ZDHHC17: variants seen among roughly 807,000 people sequenced by gnomAD.
The protein encoded by ZDHHC17 is palmitoyltransferase ZDHHC17.
In ZDHHC17, 40 loss-of-function variants were observed where a neutral mutation model predicts 90.3. That is an observed-to-expected ratio of 0.44 (90% CI 0.34 to 0.58). The LOEUF is 0.58. Among genes scored for constraint, ZDHHC17 ranks in the 20% least tolerant of loss-of-function variants. The probability of loss-of-function intolerance (pLI) is 0.01; values close to 1 mark genes in which losing one functional copy is unlikely to be tolerated. For missense variants in ZDHHC17, 614 were observed against 780.8 expected (o/e 0.79, Z 2.55); for synonymous variants, 235 against 252.4 (o/e 0.93, Z 0.65).
chr12:76,846,731 A>G (rs1953499650), intron 14 of ZDHHC17, 52 bp downstream of exon 14: 1 of 1,419,948 alleles, frequency 7.0e-7, no homozygotes, highest in Non-Finnish European at 9.7e-7. Flanking sequence ...GCATACTTAG[A>G]TTATACTTAC....
Position 76,853,434 on chromosome 12 carries a change from A to C in ZDHHC17, c.*2449A>C, listed in dbSNP as rs1187262086. 5.3e-5 allele frequency: 5 copies of C among 93,904 alleles called. No homozygotes were observed. Among genetic ancestry groups the C allele is most frequent in the Non-Finnish European group, 9.4e-5 (4 of 42,380 alleles). 5.8% of individuals were successfully genotyped at this position (93,904 alleles called of 1,614,324 possible). A position where few individuals can be genotyped will look rare whatever the true frequency, so the allele number is the denominator to read the frequency against. ...CACTGAACATGAATTACTTCCTTGGAGTTTTTTTTCATTCATATTTTTGTT... is the reference window on the plus strand; with the variant it reads ...CACTGAACATGAATTACTTCCTTGGCGTTTTTTTTCATTCATATTTTTGTT... On this transcript the variant is annotated 3_prime_UTR_variant, in exon 17 of 17. Transcript: ENST00000426126.
chr12:76,852,794 G>A lies in ZDHHC17; in HGVS notation c.*1809G>A, dbSNP rs933688877. 1 of 152,598 alleles carries A rather than the reference G, an allele frequency of 6.6e-6. No individual in the cohort carries two copies. The highest frequency in any genetic ancestry group is 1.5e-5 in the Non-Finnish European group (1 of 68,036). 9.5% of individuals were successfully genotyped at this position (152,598 alleles called of 1,614,324 possible). A position where few individuals can be genotyped will look rare whatever the true frequency, so the allele number is the denominator to read the frequency against. The stretch of plus-strand genomic sequence containing the variant: ...GTACTTTATTTTTGAAAAGGGAAGA[G>A]ATGGGTGTGGGGTGGCAATAGCATT... On this transcript the variant is annotated 3_prime_UTR_variant, in exon 17 of 17. Coordinates refer to ENST00000426126, the MANE Select transcript of ZDHHC17 (RefSeq NM_015336.4).
chr12:76,798,732 G>A (rs1050421236), intron 2 of ZDHHC17, among the ~76,000 whole-genome samples: 4 of 152,186 alleles, frequency 2.6e-5, no homozygotes, highest in Admixed American at 2.6e-4. Context: ...TACAATCATG[G>A]TGGGAGGTGA....
At chr12:76,850,455 A>ATGTC (rs1425457943) in intron 16 of ZDHHC17, among the ~76,000 whole-genome samples, 21 of 152,122 alleles carry the variant, frequency 1.4e-4, no homozygotes, top group African/African-American at 4.3e-4. Context: ...ATGTTGGTGC[A>ATGTC]TGTCTGTAGT....
At chr12:76,781,963 C>T (rs1193905029) in intron 1 of ZDHHC17, among the ~76,000 whole-genome samples, 2 of 152,108 alleles carry the variant, frequency 1.3e-5, no homozygotes, top group South Asian at 2.1e-4. Flanking sequence ...GTCACCTTAG[C>T]GTTTTTCCTG....
intron 7 of ZDHHC17, among the ~76,000 whole-genome samples, chr12:76,820,609 T>C (rs1285773683): frequency 6.6e-6 from 1 of 152,192 alleles, no homozygotes; most frequent in Non-Finnish European, 1.5e-5. Context: ...GAAAGACCTC[T>C]TGAAATGAGG....
At chr12:76,838,714 C>G (rs756184626) in intron 10 of ZDHHC17, among the ~76,000 whole-genome samples, 6 of 152,126 alleles carry the variant, frequency 3.9e-5, no homozygotes, top group Non-Finnish European at 7.4e-5. Flanking sequence ...AATGACAAGC[C>G]TTGGTATTTC....
chr12:76,839,653 TG>T (rs1342800177), intron 10 of ZDHHC17, among the ~76,000 whole-genome samples: 1 of 152,172 alleles, frequency 6.6e-6, no homozygotes, highest in Non-Finnish European at 1.5e-5. Flanking sequence ...AAAACATTGA[TG>T]GTAAATACTT....
intron 3 of ZDHHC17, among the ~76,000 whole-genome samples, chr12:76,805,953 AATG>A (rs1300799518): frequency 6.6e-6 from 1 of 152,244 alleles, no homozygotes; most frequent in Non-Finnish European, 1.5e-5. Context: ...CTAAGTGTAA[AATG>A]ATTTTTATCC....
At chr12:76,814,586 T>C (rs1051048633) in intron 5 of ZDHHC17, among the ~76,000 whole-genome samples, 2 of 151,794 alleles carry the variant, frequency 1.3e-5, no homozygotes, top group African/African-American at 2.4e-5. Context: ...TTTAAAGATA[T>C]GGAGGTAAAT....
chr12:76,771,201 C>G (rs1040231814), intron 1 of ZDHHC17, among the ~76,000 whole-genome samples: 13 of 151,904 alleles, frequency 8.6e-5, no homozygotes, highest in African/African-American at 3.1e-4. Context: ...TTATTTAGAC[C>G]TAGGATAAAA....
chr12:76,803,929 G>A (rs1055761387), intron 2 of ZDHHC17, among the ~76,000 whole-genome samples: 4 of 152,112 alleles, frequency 2.6e-5, no homozygotes, highest in Non-Finnish European at 4.4e-5. Context: ...GCCATCAGCC[G>A]AATGGCCTGG....
chr12:76,819,595 T>C (rs1953135091), intron 7 of ZDHHC17, among the ~76,000 whole-genome samples: 1 of 152,234 alleles, frequency 6.6e-6, no homozygotes, highest in Non-Finnish European at 1.5e-5. Context: ...GAAATCTTTC[T>C]TTATATTAAC....
chr12:76,809,684 A>T, intron 4 of ZDHHC17, 29 bp from the exon 5 acceptor site: 1 of 1,403,916 alleles, frequency 7.1e-7, no homozygotes, highest in Non-Finnish European at 9.3e-7. Context: ...AACTTTATAT[A>T]TCTAAGTGTT....
chr12:76,853,266 C>T lies in ZDHHC17; in HGVS notation c.*2281C>T, dbSNP rs1356350304. 1.4e-5 allele frequency: 2 copies of T among 148,084 alleles called. No individual in the cohort carries two copies. The highest frequency in any genetic ancestry group is 3.1e-5 in the Non-Finnish European group (2 of 65,060). The allele number at this position is 148,084 out of a possible 1,614,324, so 9.2% of individuals were successfully genotyped here. ...CAGGAGCCAGCTATGCAGCAGTATACCATCTGTTTAATTATTTTGTAGGTC... is the reference window on the plus strand; with the variant it reads ...CAGGAGCCAGCTATGCAGCAGTATATCATCTGTTTAATTATTTTGTAGGTC... On this transcript the variant is annotated 3_prime_UTR_variant, in exon 17 of 17. Transcript: ENST00000426126.
intron 2 of ZDHHC17, among the ~76,000 whole-genome samples, chr12:76,803,938 G>A (rs2137754769): frequency 6.6e-6 from 1 of 152,242 alleles, no homozygotes; most frequent in Admixed American, 6.5e-5. Context: ...CGAATGGCCT[G>A]GAAAACCCAG....
intron 1 of ZDHHC17, among the ~76,000 whole-genome samples, chr12:76,783,528 G>A (rs919441252): frequency 3.9e-5 from 6 of 152,220 alleles, no homozygotes; most frequent in Admixed American, 3.3e-4. Context: ...CTCCCATCAG[G>A]TGCTTCGCAC....
intron 2 of ZDHHC17, among the ~76,000 whole-genome samples, chr12:76,799,831 G>T (rs1952865445): frequency 6.6e-6 from 1 of 152,162 alleles, no homozygotes; most frequent in Admixed American, 6.5e-5. Context: ...TATTCAAAAT[G>T]CCTGGGACCA....
At chr12:76,804,713 C>T (rs558713630) in intron 2 of ZDHHC17, among the ~76,000 whole-genome samples, 3 of 152,300 alleles carry the variant, frequency 2.0e-5, no homozygotes, top group East Asian at 1.9e-4. Context: ...CCATAGTACT[C>T]GACCAGTGAG....
Sources: gnomAD v4.1 joint callset for allele counts (sites outside exome capture counted in the v4.1 genomes callset) on GRCh38, gnomAD v4.1.1 for gene constraint, MANE v1.5 for transcripts, NCBI Gene and HGNC (gene_info 2026-07-23, HGNC 2026-07-21) for gene names.